Variants in RUNX2 observed in about 807,000 individuals in gnomAD.
RUNX2 encodes the protein runt-related transcription factor 2.
A neutral mutation model predicts 51.7 loss-of-function variants in RUNX2; 10 were observed. That is an observed-to-expected ratio of 0.19 (90% CI 0.12 to 0.33). The LOEUF (loss-of-function observed/expected upper bound fraction) is 0.33. Among genes scored for constraint, RUNX2 ranks in the 10% least tolerant of loss-of-function variants. The pLI is 1.00. For missense variants in RUNX2, 562 were observed against 691.3 expected (o/e 0.81, Z 2.10); for synonymous variants, 276 against 273.6 (o/e 1.01, Z -0.09).
chr6:45,442,945 C>T (rs1798881734), intron 5 of RUNX2, among the ~76,000 whole-genome samples: 1 of 151,848 alleles, frequency 6.6e-6, no homozygotes, highest in African/African-American at 2.4e-5. Context: ...CACGTGGCCT[C>T]TCCATGTGGT....
Position 45,549,306 on chromosome 6 carries a change from G to A in RUNX2, c.*2001G>A, listed in dbSNP as rs150354057. 1.2e-3 allele frequency: 492 copies of A among 398,456 alleles called. No homozygotes were observed. Among genetic ancestry groups the A allele is most frequent in the Non-Finnish European group, 1.8e-3 (414 of 226,084 alleles). The allele number at this position is 398,456 out of a possible 1,614,324, so 24.7% of individuals were successfully genotyped here. A position where few individuals can be genotyped will look rare whatever the true frequency, so the allele number is the denominator to read the frequency against. On this transcript the variant is annotated 3_prime_UTR_variant, in exon 9 of 9. Transcript: ENST00000647337. ...ACCCTAACGGCCCCCTTGTTCTCTG[G>A]TCCTTCTCAAACCCACCTTTGTAGG...
At chr6:45,500,856 G>A (rs1800782304) in intron 6 of RUNX2, among the ~76,000 whole-genome samples, 1 of 152,218 alleles carries the variant, frequency 6.6e-6, no homozygotes, top group South Asian at 2.1e-4. Context: ...CAACACAGGG[G>A]AACAAGGAAG....
At position 45,454,246 on chromosome 6, in the gene RUNX2, A is replaced by C. The variant is rs368246466; in HGVS notation, c.685+16195A>C. Among the ~76,000 whole-genome samples, 14 of 152,342 alleles carry C rather than the reference A, an allele frequency of 9.2e-5. No homozygotes were observed. In the East Asian group the frequency reaches 2.5e-3, roughly 27 times the overall value. ...TTGCTGAGGGTCAACCCACTGTCAG[A>C]TATAGGTGGAGAAGCCCTTCTGTGG... is the stretch of plus-strand genomic sequence containing the variant. On this transcript the variant is annotated intron_variant, in intron 5 of 8. Transcript: ENST00000647337.
At chr6:45,333,348 A>T (rs1787899382) in intron 2 of RUNX2, among the ~76,000 whole-genome samples, 2 of 151,576 alleles carry the variant, frequency 1.3e-5, no homozygotes, top group South Asian at 4.1e-4. Flanking sequence ...CATGAAACAG[A>T]CCATACATTC....
At chr6:45,520,608 T>A (rs1801475191) in intron 7 of RUNX2, among the ~76,000 whole-genome samples, 1 of 152,190 alleles carries the variant, frequency 6.6e-6, no homozygotes, top group African/African-American at 2.4e-5. Flanking sequence ...GCCCTGTTGT[T>A]CCCTCTTGGG....
chr6:45,455,887 T>C (rs1391763956), intron 5 of RUNX2, among the ~76,000 whole-genome samples: 5 of 152,224 alleles, frequency 3.3e-5, no homozygotes, highest in Admixed American at 1.3e-4. Flanking sequence ...TGTAGATAAA[T>C]GCCCTGCCAT....
At chr6:45,331,126 T>TGCGC (rs1352072883) in intron 2 of RUNX2, among the ~76,000 whole-genome samples, 2 of 132,822 alleles carry the variant, frequency 1.5e-5, no homozygotes, top group African/African-American at 5.4e-5. Flanking sequence ...TGTGTGTGTG[T>TGCGC]GCGCGCGCGC....
intron 5 of RUNX2, among the ~76,000 whole-genome samples, chr6:45,470,725 T>A (rs1799774685): frequency 1.3e-5 from 2 of 152,228 alleles, no homozygotes; most frequent in African/African-American, 4.8e-5. Context: ...TGCCTTTTTG[T>A]AGCACCATGA....
chr6:45,421,564 C>T (rs1798188633), intron 2 of RUNX2: 1 of 152,232 alleles, frequency 6.6e-6, no homozygotes. Context: ...TCCTCCTCTC[C>T]TGAAGTTACA....
At chr6:45,454,087 G>A (rs998057816) in intron 5 of RUNX2, among the ~76,000 whole-genome samples, 5 of 152,156 alleles carry the variant, frequency 3.3e-5, no homozygotes, top group Non-Finnish European at 7.4e-5. Context: ...TTGTGTTGGA[G>A]CTATGCTGAG....
At chr6:45,380,390 A>G (rs1233177136) in intron 2 of RUNX2, among the ~76,000 whole-genome samples, 1 of 152,200 alleles carries the variant, frequency 6.6e-6, no homozygotes, top group Non-Finnish European at 1.5e-5. Flanking sequence ...GTTAGCGTAG[A>G]CTTTAACGTT....
rs751673070 is a variant in RUNX2 at position 45,422,729 on chromosome 6, ACAG to A, written c.211_213del (p.Gln71del). The A allele has an allele frequency of 5.3e-4, 814 of 1,527,646 alleles. No individual in the cohort carries two copies. Among genetic ancestry groups the A allele is most frequent in the South Asian group, 1.5e-3 (125 of 83,956 alleles). The allele number at this position is 1,527,646 out of a possible 1,614,324, so 94.6% of individuals were successfully genotyped here. A position where few individuals can be genotyped will look rare whatever the true frequency, so the allele number is the denominator to read the frequency against. ...AGCAACAGCAGCAGCAGCAGCAGCA[ACAG>A]CAGCAGCAGCAGCAGGAGGCGGCGG... On this transcript the variant is annotated inframe_deletion, in exon 3 of 9. Transcript: ENST00000647337.
chr6:45,335,281 T>TA (rs1223127732), intron 2 of RUNX2, among the ~76,000 whole-genome samples: 2 of 151,448 alleles, frequency 1.3e-5, no homozygotes, highest in Middle Eastern at 3.4e-3. Flanking sequence ...GATTACAAAT[T>TA]ATTTAAATGT....
At chr6:45,504,861 A>G (rs141212540) in intron 6 of RUNX2, among the ~76,000 whole-genome samples, 1 of 152,310 alleles carries the variant, frequency 6.6e-6, no homozygotes, top group African/African-American at 2.4e-5. Context: ...TTTGAGGTTT[A>G]CACAGCCTGA....
intron 2 of RUNX2, among the ~76,000 whole-genome samples, chr6:45,401,475 C>A (rs1797711465): frequency 6.6e-6 from 1 of 152,192 alleles, no homozygotes; most frequent in African/African-American, 2.4e-5. Flanking sequence ...TAAGTCCTGG[C>A]TCTGTCACTA....
chr6:45,403,453 G>T (rs1169743400), intron 2 of RUNX2, among the ~76,000 whole-genome samples: 1 of 151,936 alleles, frequency 6.6e-6, no homozygotes, highest in Non-Finnish European at 1.5e-5. Context: ...GGCTGGTCTC[G>T]AACTCCTGAC....
chr6:45,421,355 T>A (rs1798182176), intron 2 of RUNX2: 1 of 152,176 alleles, frequency 6.6e-6, no homozygotes, highest in Non-Finnish European at 1.5e-5. Flanking sequence ...TGTCCAGCTA[T>A]GCACTTGAGT....
chr6:45,476,090 T>C (rs1799949242), intron 5 of RUNX2, among the ~76,000 whole-genome samples: 1 of 152,242 alleles, frequency 6.6e-6, no homozygotes, highest in South Asian at 2.1e-4. Context: ...TCATTTGTAC[T>C]AGTTGCATTG....
rs181483266 is a variant in RUNX2, at chr6:45,366,374, T to C, written c.58+37590T>C. On this transcript the variant is annotated intron_variant, in intron 2 of 8. Coordinates refer to ENST00000647337, the MANE Select transcript of RUNX2 (RefSeq NM_001024630.4). ...GTGCTTCAGTTTCCTCATCTGTAAATGGCAACGATAATCTCACCTTCTTAG... is the reference window on the plus strand; with the variant it reads ...GTGCTTCAGTTTCCTCATCTGTAAACGGCAACGATAATCTCACCTTCTTAG... Among the ~76,000 whole-genome samples, 7 of 151,918 alleles carry C rather than the reference T, an allele frequency of 4.6e-5. No homozygotes were observed. The East Asian group carries it at 1.4e-3, about 29-fold the overall frequency.
Sources: gnomAD v4.1 joint callset for allele counts (sites outside exome capture counted in the v4.1 genomes callset) on GRCh38, gnomAD v4.1.1 for gene constraint, MANE v1.5 for transcripts, NCBI Gene and HGNC (gene_info 2026-07-23, HGNC 2026-07-21) for gene names.